The following ZDHHC15 variants were observed in gnomAD, a reference collection of about 807,000 sequenced individuals.
ZDHHC15 encodes palmitoyltransferase ZDHHC15.
Under a neutral mutation model 31.7 loss-of-function variants are expected in ZDHHC15, and 19 were observed. The observed-to-expected ratio is 0.60, with a 90% confidence interval of 0.42 to 0.88. ZDHHC15 has a LOEUF of 0.88. Among genes scored for constraint, ZDHHC15 ranks in the 40% least tolerant of loss-of-function variants. The pLI is 0.00. For missense variants in ZDHHC15, 209 were observed against 251.2 expected (o/e 0.83, Z 1.14); for synonymous variants, 103 against 90.0 (o/e 1.14, Z -0.82).
chrX:75,418,939 A>G (rs2083584134), intron 9 of ZDHHC15, among the ~76,000 whole-genome samples: 1 of 112,479 alleles, frequency 8.9e-6, no homozygotes, highest in Admixed American at 9.4e-5. Flanking sequence ...ATGGCAACAA[A>G]AGCCAAAATT....
chrX:75,463,615 T>A (rs781572393), intron 3 of ZDHHC15, among the ~76,000 whole-genome samples: 1 of 76,749 alleles, frequency 1.3e-5, no homozygotes, highest in African/African-American at 4.1e-5. Flanking sequence ...AAAAAACCCA[T>A]CAAAAGGTGG....
chrX:75,437,228 CTACTGTTTCTT>C (rs1239603151), intron 4 of ZDHHC15, among the ~76,000 whole-genome samples: 3 of 106,757 alleles, frequency 2.8e-5, no homozygotes, highest in Non-Finnish European at 5.8e-5. Context: ...TAGTTTAAGT[CTACTGTTTCTT>C]TGTTGTTTCT....
At chrX:75,492,308 T>A (rs2084911347) in intron 2 of ZDHHC15, among the ~76,000 whole-genome samples, 1 of 111,170 alleles carries the variant, frequency 9.0e-6, no homozygotes, top group African/African-American at 3.3e-5. Context: ...ACAAAGAGAC[T>A]TAGATTCCCA....
At chrX:75,453,739 A>G (rs748852367) in intron 3 of ZDHHC15, among the ~76,000 whole-genome samples, 1 of 111,455 alleles carries the variant, frequency 9.0e-6, no homozygotes, top group South Asian at 3.9e-4. Context: ...TCAACATATG[A>G]AAATCAATAA....
At chrX:75,384,441 A>C in intron 10 of ZDHHC15, 1 of 901,902 alleles carries the variant, frequency 1.1e-6, no homozygotes, top group Non-Finnish European at 1.6e-6. Context: ...CGTATATGCA[A>C]ATCTATAAGA....
At chrX:75,412,726 T>C (rs1210579073) in intron 10 of ZDHHC15, among the ~76,000 whole-genome samples, 1 of 112,015 alleles carries the variant, frequency 8.9e-6, no homozygotes, top group Non-Finnish European at 1.9e-5. Flanking sequence ...CCACCACGCC[T>C]GGCTATTATT....
intron 3 of ZDHHC15, among the ~76,000 whole-genome samples, chrX:75,478,049 T>A (rs1262553848): frequency 9.0e-6 from 1 of 111,715 alleles, no homozygotes. Flanking sequence ...AGTTTCCCTA[T>A]TGTTCTTTTA....
At chrX:75,484,795 G>A (rs1403043176) in intron 2 of ZDHHC15, among the ~76,000 whole-genome samples, 1 of 111,815 alleles carries the variant, frequency 8.9e-6, no homozygotes, top group African/African-American at 3.2e-5. Context: ...ATTCAAAATA[G>A]TTTCAAACTG....
chrX:75,490,942 G>C (rs886347320), intron 2 of ZDHHC15, among the ~76,000 whole-genome samples: 2 of 111,888 alleles, frequency 1.8e-5, no homozygotes, highest in Non-Finnish European at 3.8e-5. Flanking sequence ...TCTCACACCA[G>C]TTAGAATGGC....
intron 10 of ZDHHC15, among the ~76,000 whole-genome samples, chrX:75,389,279 G>A (rs2147774134): frequency 9.0e-6 from 1 of 111,389 alleles, no homozygotes; most frequent in South Asian, 3.8e-4. Context: ...AGGCAGTCTA[G>A]GGCACAAGGA....
chrX:75,416,213 CCTGGATAATCCAA>C (rs763606998), intron 10 of ZDHHC15, among the ~76,000 whole-genome samples: 66 of 111,325 alleles, frequency 5.9e-4, no homozygotes, highest in African/African-American at 2.1e-3. Flanking sequence ...GTAATCAGGG[CCTGGATAATCCAA>C]CTGGGTAAAA....
rs148150025 is a variant in ZDHHC15, at chrX:75,520,544, T to C, written c.136+2345A>G. Among the ~76,000 whole-genome samples, 594 of 111,755 alleles carry C rather than the reference T, an allele frequency of 5.3e-3. 5 individuals carry two copies. The highest frequency in any genetic ancestry group is 9.1e-3 in the Middle Eastern group (2 of 219). On this transcript the variant is annotated intron_variant, in intron 1 of 11. Transcript: ENST00000373367. ...TTAAAATATATCTTGGTGAAGCTCATATGAGTCAATACTGAAAAACTCCAA... is the reference window on the plus strand; with the variant it reads ...TTAAAATATATCTTGGTGAAGCTCACATGAGTCAATACTGAAAAACTCCAA...
At chrX:75,436,497 G>GT (rs1438344126) in intron 4 of ZDHHC15, among the ~76,000 whole-genome samples, 1 of 111,718 alleles carries the variant, frequency 9.0e-6, no homozygotes, top group African/African-American at 3.3e-5. Flanking sequence ...TCTTAGCACT[G>GT]TTTTGCTGTA....
chrX:75,382,146 C>T (rs1301144461), intron 10 of ZDHHC15, among the ~76,000 whole-genome samples: 1 of 112,094 alleles, frequency 8.9e-6, no homozygotes, highest in East Asian at 2.8e-4. Flanking sequence ...ATTGTCTTTC[C>T]CTGCAACTGC....
intron 3 of ZDHHC15, among the ~76,000 whole-genome samples, chrX:75,464,704 A>G (rs1230236180): frequency 8.9e-6 from 1 of 111,782 alleles, no homozygotes; most frequent in Non-Finnish European, 1.9e-5. Flanking sequence ...AACTAAAGAC[A>G]AAAACCACAT....
At chrX:75,396,174 T>C (rs931951880) in intron 10 of ZDHHC15, among the ~76,000 whole-genome samples, 1 of 111,450 alleles carries the variant, frequency 9.0e-6, no homozygotes, top group Non-Finnish European at 1.9e-5. Flanking sequence ...AAACCTTCCA[T>C]ACAGCAAAGA....
chrX:75,486,512 C>A (rs1163490657), intron 2 of ZDHHC15, among the ~76,000 whole-genome samples: 1 of 112,471 alleles, frequency 8.9e-6, no homozygotes, highest in Admixed American at 9.4e-5. Context: ...CCATAGCTGA[C>A]CAGGTGGGCA....
intron 2 of ZDHHC15, among the ~76,000 whole-genome samples, chrX:75,490,162 C>G (rs1309576433): frequency 1.8e-5 from 2 of 111,903 alleles, no homozygotes; most frequent in East Asian, 2.8e-4. Context: ...TTGGAAAACA[C>G]CCTGAAGGAT....
At chrX:75,441,885 A>T (rs1040503064) in intron 4 of ZDHHC15, among the ~76,000 whole-genome samples, 1 of 110,376 alleles carries the variant, frequency 9.1e-6, no homozygotes, top group African/African-American at 3.3e-5. Flanking sequence ...AGCCTCCCAA[A>T]GTGCTGGAAT....
Sources: gnomAD v4.1 joint callset for allele counts (sites outside exome capture counted in the v4.1 genomes callset) on GRCh38, gnomAD v4.1.1 for gene constraint, MANE v1.5 for transcripts, NCBI Gene and HGNC (gene_info 2026-07-23, HGNC 2026-07-21) for gene names.